The following ATG7 variants were observed in gnomAD, a reference collection of about 807,000 sequenced individuals.
The protein encoded by ATG7 is ubiquitin-like modifier-activating enzyme ATG7.
In ATG7, 70 loss-of-function variants were observed where a neutral mutation model predicts 82.4. The ratio of observed to expected loss-of-function variants is 0.85; its 90% CI spans 0.70 to 1.04. ATG7 has a LOEUF of 1.04. Among genes scored for constraint, ATG7 ranks in the 50% least tolerant of loss-of-function variants. ATG7 has a pLI of 0.00. For missense variants in ATG7, 792 were observed against 864.3 expected (o/e 0.92, Z 1.05); for synonymous variants, 287 against 313.0 (o/e 0.92, Z 0.88).
chr3:11,426,656 GT>G (rs1184764649), intron 19 of ATG7, 147 bp from the exon 20 acceptor site: 1 of 645,080 alleles, frequency 1.6e-6, no homozygotes. Context: ...AGCCGTACTA[GT>G]TTTTTGGCCA....
chr3:11,283,055 A>C (rs1943337196), intron 3 of ATG7, among the ~76,000 whole-genome samples: 1 of 152,310 alleles, frequency 6.6e-6, no homozygotes, highest in Non-Finnish European at 1.5e-5. Flanking sequence ...GCCAAATTGC[A>C]GTTATTCTGG....
chr3:11,557,052 A>C lies in ATG7; in HGVS notation c.*2209A>C, dbSNP rs867309922. 6.6e-6 allele frequency: 1 copy of C among 152,458 alleles called. No individual in the cohort carries two copies. The highest frequency in any genetic ancestry group is 2.4e-5 in the African/African-American group (1 of 41,442). The allele number at this position is 152,458 out of a possible 1,614,324, so 9.4% of individuals were successfully genotyped here. A position where few individuals can be genotyped will look rare whatever the true frequency, so the allele number is the denominator to read the frequency against. The stretch of plus-strand genomic sequence containing the variant: ...TCCACAAAGCCTTGCAGGTGAGGTG[A>C]CCACGCCCACGTCACCTGGTCAGGT... On this transcript the variant is annotated 3_prime_UTR_variant, in exon 21 of 21. Coordinates refer to ENST00000693202, the MANE Select transcript of ATG7 (RefSeq NM_001349232.2).
intron 3 of ATG7, among the ~76,000 whole-genome samples, chr3:11,284,648 C>T (rs1010840020): frequency 4.0e-5 from 6 of 151,006 alleles, no homozygotes; most frequent in African/African-American, 1.5e-4. Flanking sequence ...ATTGCCTGGG[C>T]TCAGGCGATC....
chr3:11,385,154 T>C (rs2078222718), intron 19 of ATG7, among the ~76,000 whole-genome samples: 1 of 152,026 alleles, frequency 6.6e-6, no homozygotes, highest in Non-Finnish European at 1.5e-5. Flanking sequence ...CTCAGCCTCC[T>C]GGGGAGCTGG....
At chr3:11,357,666 A>G (rs2152806811) in intron 14 of ATG7, among the ~76,000 whole-genome samples, 1 of 152,254 alleles carries the variant, frequency 6.6e-6, no homozygotes. Context: ...CACTGAGGAA[A>G]CAGAAGGGAG....
intron 11 of ATG7, among the ~76,000 whole-genome samples, chr3:11,333,529 A>G (rs924281309): frequency 1.3e-5 from 2 of 152,100 alleles, no homozygotes; most frequent in Admixed American, 6.5e-5. Flanking sequence ...TTCCACATTT[A>G]ATATCTTCAT....
At chr3:11,564,812 C>T in the ATG7 span, 17 of 1,569,880 alleles carry the variant, frequency 1.1e-5, no homozygotes, top group African/African-American at 4.1e-5. Context: ...GCCGCTCCCC[C>T]GGGGTCAGTG....
intron 20 of ATG7, among the ~76,000 whole-genome samples, chr3:11,528,651 C>T (rs1264019095): frequency 3.3e-5 from 5 of 151,912 alleles, no homozygotes; most frequent in Non-Finnish European, 7.4e-5. Context: ...TATGGTGAAA[C>T]CCCATCTCTA....
the ATG7 span, chr3:11,568,725 C>T: frequency 3.4e-3 from 5,311 of 1,542,254 alleles, 180 homozygotes; most frequent in African/African-American, 0.064. This position sits in a 1 kb window ranked among gnomAD's most constrained non-coding sequence, Gnocchi z 5.9. Context: ...CTCCCGGGGA[C>T]GGCAGAAAAC....
At chr3:11,430,746 A>G (rs967775851) in intron 20 of ATG7, among the ~76,000 whole-genome samples, 1 of 152,236 alleles carries the variant, frequency 6.6e-6, no homozygotes, top group African/African-American at 2.4e-5. Context: ...AGTGAGCTCT[A>G]ATGCAATAAA....
At chr3:11,302,502 T>A (rs1559354455) in intron 5 of ATG7, among the ~76,000 whole-genome samples, 1 of 152,202 alleles carries the variant, frequency 6.6e-6, no homozygotes, top group East Asian at 1.9e-4. Flanking sequence ...AATGTGCAGA[T>A]GTGTGTGTGT....
chr3:11,440,525 C>A (rs929569319), intron 20 of ATG7, among the ~76,000 whole-genome samples: 13 of 149,512 alleles, frequency 8.7e-5, no homozygotes, highest in Admixed American at 3.3e-4. Context: ...GGGGTTTCAC[C>A]GTTTTAGCCG....
At chr3:11,398,686 C>G (rs2079536122) in intron 19 of ATG7, among the ~76,000 whole-genome samples, 1 of 152,152 alleles carries the variant, frequency 6.6e-6, no homozygotes. Context: ...GACCCCGTCT[C>G]TACAGAAAAT....
chr3:11,349,135 T>C (rs1045771523), intron 14 of ATG7, among the ~76,000 whole-genome samples: 1 of 152,194 alleles, frequency 6.6e-6, no homozygotes, highest in African/African-American at 2.4e-5. Context: ...GAGTGCTGAT[T>C]GGTGCATTTA....
chr3:11,509,306 T>C (rs1359590802), intron 20 of ATG7, among the ~76,000 whole-genome samples: 1 of 152,158 alleles, frequency 6.6e-6, no homozygotes, highest in African/African-American at 2.4e-5. Flanking sequence ...CAGATAACAC[T>C]TAAAGGGCCA....
rs1952154861 is a variant in ATG7, at chr3:11,334,770, C to CGAG, written c.889+1679_889+1680insGGA. 3.3e-5 allele frequency among the ~76,000 whole-genome samples: 5 copies of CGAG among 150,882 alleles called. No individual in the cohort carries two copies. The South Asian group carries it at 1.1e-3, about 32-fold the overall frequency. Reference sequence around the variant, plus strand: ...GTCAGGAGTTCGAGATTGGCCTGGCCGATATGGCGAAACCCCGTCTCTACT... The same window carrying CGAG: ...GTCAGGAGTTCGAGATTGGCCTGGCCGAGGATATGGCGAAACCCCGTCTCTACT... On this transcript the variant is annotated intron_variant, in intron 11 of 20. Coordinates refer to ENST00000693202, the MANE Select transcript of ATG7 (RefSeq NM_001349232.2).
intron 19 of ATG7, among the ~76,000 whole-genome samples, chr3:11,396,015 A>C (rs554888491): frequency 6.6e-6 from 1 of 151,506 alleles, no homozygotes; most frequent in South Asian, 2.1e-4. Flanking sequence ...TTTTGTATAG[A>C]CAAGAACAGA....
At chr3:11,443,941 CT>C (rs555539952) in intron 20 of ATG7, among the ~76,000 whole-genome samples, 1 of 152,188 alleles carries the variant, frequency 6.6e-6, no homozygotes, top group Non-Finnish European at 1.5e-5. Flanking sequence ...TCATATTTTA[CT>C]TTCTGACCAC....
intron 5 of ATG7, among the ~76,000 whole-genome samples, chr3:11,305,424 C>G (rs111309441): frequency 6.6e-6 from 1 of 152,170 alleles, no homozygotes; most frequent in Non-Finnish European, 1.5e-5. Context: ...GGGTACCTTC[C>G]TCTTCTGTGC....
Sources: allele counts gnomAD v4.1 joint callset (sites outside exome capture counted in the v4.1 genomes callset), GRCh38; gene constraint gnomAD v4.1.1; non-coding constraint Gnocchi (gnomAD v3.1); transcripts MANE v1.5; gene names NCBI Gene and HGNC (gene_info 2026-07-23, HGNC 2026-07-21).